NME4: variants seen among roughly 807,000 people sequenced by gnomAD.
NME4 encodes nucleoside diphosphate kinase D, mitochondrial.
NME4 carries 21 observed loss-of-function variants against 16.4 expected under a neutral mutation model. The observed-to-expected ratio is 1.28, with a 90% CI of 0.91 to 1.84. The LOEUF is 1.84. NME4 is among the 40% of genes most tolerant of loss of function. NME4 has a pLI of 0.00. For synonymous variants in NME4, 132 were observed against 107.5 expected (o/e 1.23, Z -1.41); for missense variants, 316 against 261.3 (o/e 1.21, Z -1.44).
At chr16:397,875 C>T in intron 1 of NME4, 1 of 1,555,054 alleles carries the variant, frequency 6.4e-7, no homozygotes, top group Non-Finnish European at 8.7e-7. Context: ...GATCCATGTC[C>T]CAGGGCTCCC....
Sources: gnomAD v4.1 joint callset for allele counts on GRCh38, gnomAD v4.1.1 for gene constraint, MANE v1.5 for transcripts, NCBI Gene and HGNC (gene_info 2026-07-23, HGNC 2026-07-21) for gene names.